Variants in FAM185A observed in about 807,000 individuals in gnomAD.
FAM185A encodes the protein protein FAM185A.
FAM185A carries 21 observed loss-of-function variants against 45.7 expected under a neutral mutation model. The observed-to-expected ratio is 0.46, with a 90% confidence interval of 0.33 to 0.66. The LOEUF is 0.66. FAM185A is among the 30% of genes least tolerant of loss of function. The pLI, the probability that FAM185A is intolerant of heterozygous loss-of-function variation, is 0.03. For synonymous variants in FAM185A, 117 were observed against 194.0 expected, an observed-to-expected ratio of 0.60 and a Z score of 3.30; for missense variants, 305 against 485.4, an observed-to-expected ratio of 0.63 and a Z score of 3.49.
intron 7 of FAM185A, among the ~76,000 whole-genome samples, chr7:102,805,687 T>A (rs1797071711): frequency 6.6e-6 from 1 of 150,918 alleles, no homozygotes; most frequent in African/African-American, 2.4e-5. Context: ...TGGAAAAAAA[T>A]TAAAAATAAA....
At chr7:102,769,057 A>G (rs1437115265) in intron 4 of FAM185A, among the ~76,000 whole-genome samples, 1 of 152,154 alleles carries the variant, frequency 6.6e-6, no homozygotes, top group Non-Finnish European at 1.5e-5. Context: ...TGACTTTAGA[A>G]TATTTCTGTT....
chr7:102,760,550 T>C (rs1247773584), intron 3 of FAM185A, among the ~76,000 whole-genome samples: 4 of 151,712 alleles, frequency 2.6e-5, no homozygotes, highest in African/African-American at 9.7e-5. Context: ...TCAAACAAAG[T>C]TGAAATAGAA....
At chr7:102,800,041 A>G (rs1440698894) in intron 7 of FAM185A, among the ~76,000 whole-genome samples, 1 of 152,228 alleles carries the variant, frequency 6.6e-6, no homozygotes, top group Non-Finnish European at 1.5e-5. Context: ...GCTGGTATCC[A>G]TGGCTGAGAG....
chr7:102,799,359 A>T (rs1209656663), intron 7 of FAM185A, among the ~76,000 whole-genome samples: 3 of 152,178 alleles, frequency 2.0e-5, no homozygotes, highest in Non-Finnish European at 4.4e-5. Flanking sequence ...GGAAAAACGC[A>T]ATGAGCTCCA....
At chr7:102,804,013 A>G (rs1470351146) in intron 7 of FAM185A, among the ~76,000 whole-genome samples, 4 of 152,216 alleles carry the variant, frequency 2.6e-5, no homozygotes, top group East Asian at 3.8e-4. Flanking sequence ...ACTACAAAAC[A>G]TTGCTGAAAG....
chr7:102,822,808 C>T, the FAM185A span, among the ~76,000 whole-genome samples: 2 of 152,196 alleles, frequency 1.3e-5, no homozygotes, highest in South Asian at 4.1e-4. Flanking sequence ...CACAGTGGCT[C>T]ATGCCTATGA....
In FAM185A at chr7:102,768,697, AT is replaced by A. The variant is rs570652421; in HGVS notation, c.794-3703del. Among the ~76,000 whole-genome samples, 1,035 of 150,600 alleles carry A rather than the reference AT, an allele frequency of 6.9e-3. 8 individuals are homozygous for A. The highest frequency in any genetic ancestry group is 0.024 in the African/African-American group (971 of 41,074). On this transcript the variant is annotated intron_variant, in intron 4 of 7. Coordinates refer to ENST00000413034, the MANE Select transcript of FAM185A (RefSeq NM_001145268.2). ...CAATGTTTATCTTTAAATTGATTACATTTTTTTTTCCTCTGACCATGCTAGA... is the reference window on the plus strand; with the variant it reads ...CAATGTTTATCTTTAAATTGATTACATTTTTTTTCCTCTGACCATGCTAGA...
intron 4 of FAM185A, among the ~76,000 whole-genome samples, chr7:102,769,051 T>G (rs955331200): frequency 3.3e-5 from 5 of 152,216 alleles, no homozygotes; most frequent in African/African-American, 9.6e-5. Context: ...TTCTAATGAC[T>G]TTAGAATATT....
chr7:102,784,466 A>G (rs936952761), intron 6 of FAM185A, among the ~76,000 whole-genome samples: 1 of 152,250 alleles, frequency 6.6e-6, no homozygotes, highest in Non-Finnish European at 1.5e-5. Context: ...CCAGCAGCAC[A>G]TCAAGAAGTT....
In FAM185A at chr7:102,808,971, C is replaced by A. The variant is rs79727953; in HGVS notation, c.*569C>A. The A allele has an allele frequency of 0.047, 7,178 of 153,378 alleles. 248 individuals carry two copies. Among genetic ancestry groups the A allele is most frequent in the South Asian group, 0.12 (603 of 4,888 alleles). The allele number at this position is 153,378 out of a possible 1,614,324, so 9.5% of individuals were successfully genotyped here. On this transcript the variant is annotated 3_prime_UTR_variant, in exon 8 of 8. Coordinates refer to ENST00000413034, the MANE Select transcript of FAM185A (RefSeq NM_001145268.2). ...AGAATATATACTTTTAAAGGGCTCA[C>A]TTGATTAGGTCAGGCCCACCCAGGA...
the FAM185A span, among the ~76,000 whole-genome samples, chr7:102,840,522 C>T: frequency 6.6e-6 from 1 of 152,202 alleles, no homozygotes; most frequent in African/African-American, 2.4e-5. Context: ...AGCCAGCCAC[C>T]TCACTTTTTG....
intron 3 of FAM185A, among the ~76,000 whole-genome samples, chr7:102,759,409 A>C (rs1267774958): frequency 6.6e-6 from 1 of 152,078 alleles, no homozygotes; most frequent in African/African-American, 2.4e-5. Flanking sequence ...TTTGTTATGT[A>C]CTAAAGAATC....
intron 4 of FAM185A, among the ~76,000 whole-genome samples, chr7:102,765,316 T>C (rs1223802803): frequency 3.3e-5 from 5 of 152,108 alleles, no homozygotes; most frequent in South Asian, 2.1e-4. Flanking sequence ...GCTTTATGAC[T>C]GAAAATGTAG....
intron 1 of FAM185A, among the ~76,000 whole-genome samples, chr7:102,751,436 T>G (rs555352682): frequency 6.6e-6 from 1 of 152,126 alleles, no homozygotes; most frequent in Non-Finnish European, 1.5e-5. Context: ...CGTAGTCTCC[T>G]TTACTTCCCA....
downstream of FAM185A, among the ~76,000 whole-genome samples, chr7:102,814,058 C>A (rs1273504052): frequency 2.6e-5 from 4 of 151,994 alleles, no homozygotes; most frequent in Non-Finnish European, 2.9e-5. Flanking sequence ...AAAGGTGTCA[C>A]AACACTATAA....
chr7:102,787,137 C>T (rs1345547208), intron 6 of FAM185A, among the ~76,000 whole-genome samples, 198 bp from the exon 7 acceptor site: 1 of 152,120 alleles, frequency 6.6e-6, no homozygotes, highest in Non-Finnish European at 1.5e-5. Context: ...ATATTCTTTA[C>T]AGAAGTTACT....
the FAM185A span, among the ~76,000 whole-genome samples, chr7:102,850,419 G>T: frequency 6.6e-6 from 1 of 152,110 alleles, no homozygotes; most frequent in Non-Finnish European, 1.5e-5. Context: ...ACTTCTAAAT[G>T]ATTTCTAGTT....
chr7:102,760,424 AAT>A, intron 3 of FAM185A, among the ~76,000 whole-genome samples: 1 of 150,772 alleles, frequency 6.6e-6, no homozygotes, highest in African/African-American at 2.5e-5. Flanking sequence ...TTCTAGAAAT[AAT>A]AGTGTATTCA....
At chr7:102,803,165 T>A (rs936499495) in intron 7 of FAM185A, among the ~76,000 whole-genome samples, 2 of 152,054 alleles carry the variant, frequency 1.3e-5, no homozygotes, top group South Asian at 4.1e-4. Context: ...GAAGGAACAC[T>A]CCCTAATTCA....
Sources: allele counts gnomAD v4.1 joint callset (sites outside exome capture counted in the v4.1 genomes callset), GRCh38; gene constraint gnomAD v4.1.1; transcripts MANE v1.5; gene names NCBI Gene and HGNC (gene_info 2026-07-23, HGNC 2026-07-21).